RANBP17: variants seen among roughly 807,000 people sequenced by gnomAD.
RANBP17 encodes the protein ran-binding protein 17.
A neutral mutation model predicts 141.2 loss-of-function variants in RANBP17; 158 were observed. The ratio of observed to expected loss-of-function variants is 1.12; its 90% CI spans 0.98 to 1.28. The LOEUF (loss-of-function observed/expected upper bound fraction) is 1.28. Among genes scored for constraint, RANBP17 ranks in the 50% most tolerant of loss-of-function variants. RANBP17 has a pLI of 0.00. For synonymous variants in RANBP17, 430 were observed against 450.0 expected (o/e 0.96, Z 0.56); for missense variants, 1,438 against 1,290.7 (o/e 1.11, Z -1.75).
Position 170,955,582 on chromosome 5 carries a change from GTATATATA to G in RANBP17, c.1574+1900_1574+1907del, listed in dbSNP as rs869169939. On this transcript the variant is annotated intron_variant, in intron 13 of 27. Transcript: ENST00000523189. ...ATATATATATATGCTCAGTCTGTGTGTATATATATATATATATATATATATATGCTCAG... is the reference window on the plus strand; with the variant it reads ...ATATATATATATGCTCAGTCTGTGTGTATATATATATATATATATGCTCAG... Among the ~76,000 whole-genome samples, 344 of 41,378 alleles carry G rather than the reference GTATATATA, an allele frequency of 8.3e-3. 14 individuals carry two copies. The highest frequency in any genetic ancestry group is 0.032 in the African/African-American group (329 of 10,196). The allele number at this position is 41,378 out of a possible 152,430, so 27.1% of individuals were successfully genotyped here.
intron 24 of RANBP17, 136 bp downstream of exon 24, chr5:171,242,956 C>A: frequency 1.3e-6 from 1 of 795,902 alleles, no homozygotes; most frequent in Non-Finnish European, 2.0e-6. Flanking sequence ...ATAATTATTA[C>A]TTGCAAGTGG....
intron 14 of RANBP17, among the ~76,000 whole-genome samples, chr5:170,977,589 T>A (rs1777471833): frequency 2.6e-5 from 4 of 151,950 alleles, no homozygotes; most frequent in East Asian, 1.9e-4. Flanking sequence ...TGGAAAAAAA[T>A]TTGCATGTCT....
chr5:171,228,569 A>G (rs1385599357), intron 22 of RANBP17, among the ~76,000 whole-genome samples: 2 of 152,232 alleles, frequency 1.3e-5, no homozygotes, highest in Admixed American at 1.3e-4. Context: ...GATTGACTCC[A>G]ATTTTTAAAG....
chr5:171,008,858 T>A (rs1180842999), intron 14 of RANBP17, among the ~76,000 whole-genome samples: 1 of 152,236 alleles, frequency 6.6e-6, no homozygotes, highest in Non-Finnish European at 1.5e-5. Context: ...ACTGACCTTA[T>A]GTTTTCAATT....
intron 14 of RANBP17, among the ~76,000 whole-genome samples, chr5:171,073,272 G>A (rs879625016): frequency 6.6e-6 from 1 of 152,124 alleles, no homozygotes; most frequent in South Asian, 2.1e-4. Context: ...AAAGTGGTAG[G>A]GGGGAAAGGA....
Position 171,265,684 on chromosome 5 carries a change from C to A in RANBP17, c.2780C>A (p.Thr927Lys). Reference sequence around the variant, plus strand: ...TTCTTATTTACTATTTGTACAGATACAGTTGTCTCCTCCAGCTGCTGTACC... The same window carrying A: ...TTCTTATTTACTATTTGTACAGATAAAGTTGTCTCCTCCAGCTGCTGTACC... Reference protein sequence around the residue: ...SISEGLTTLDTVVSSSCCTSL... With the variant: ...SISEGLTTLDKVVSSSCCTSL... The change falls in exon 25 of 28, where the codon ACA (threonine) becomes AAA (lysine). Residue 927 changes from threonine (T) to lysine (K), a missense_variant. Physicochemically the swap from Thr to Lys is moderately conservative, Grantham distance 78. Coordinates refer to ENST00000523189, the MANE Select transcript of RANBP17 (RefSeq NM_022897.5). 1 of 1,610,848 alleles carries A rather than the reference C, an allele frequency of 6.2e-7. No individual in the cohort carries two copies. Among genetic ancestry groups the A allele is most frequent in the Non-Finnish European group, 8.5e-7 (1 of 1,179,022 alleles).
At chr5:171,209,799 C>CAG (rs1762771300) in intron 20 of RANBP17, among the ~76,000 whole-genome samples, 1 of 152,148 alleles carries the variant, frequency 6.6e-6, no homozygotes, top group Non-Finnish European at 1.5e-5. Context: ...AACAAAGGTC[C>CAG]AGATGTTTAC....
At chr5:170,986,236 C>T (rs1778132783) in intron 14 of RANBP17, among the ~76,000 whole-genome samples, 1 of 151,946 alleles carries the variant, frequency 6.6e-6, no homozygotes, top group African/African-American at 2.4e-5. Flanking sequence ...TTTGTAAAGG[C>T]CAGGAAGTGA....
chr5:171,029,454 C>T (rs1581440066), intron 14 of RANBP17, among the ~76,000 whole-genome samples: 2 of 152,036 alleles, frequency 1.3e-5, no homozygotes, highest in Admixed American at 6.6e-5. Context: ...GGCTTGGAAC[C>T]AGAAGCTGAT....
rs151211560 is a variant in RANBP17 at position 170,895,951 on chromosome 5, T to G, written c.424-99T>G. On this transcript the variant is annotated intron_variant, in intron 4 of 27. Transcript: ENST00000523189. The stretch of plus-strand genomic sequence containing the variant: ...CCATTTTATTATTGAGTAAATGTGG[T>G]GTTTCAGTCTTTAATTGTTTGTAAA... The G allele has an allele frequency of 1.0e-3, 560 of 538,846 alleles. 2 individuals carry two copies. Among genetic ancestry groups the G allele is most frequent in the African/African-American group, 0.01 (514 of 51,156 alleles). 33.4% of individuals were successfully genotyped at this position (538,846 alleles called of 1,614,324 possible).
chr5:171,031,239 CAT>C (rs1781532250), intron 14 of RANBP17, among the ~76,000 whole-genome samples: 1 of 151,912 alleles, frequency 6.6e-6, no homozygotes, highest in Non-Finnish European at 1.5e-5. Flanking sequence ...ATTTCAGAGA[CAT>C]GTGGTGTGTG....
intron 14 of RANBP17, among the ~76,000 whole-genome samples, chr5:171,063,993 A>T (rs1354507141): frequency 6.6e-6 from 1 of 152,174 alleles, no homozygotes; most frequent in Non-Finnish European, 1.5e-5. Context: ...CTCCTGGTGC[A>T]CTGTTTGTTA....
At chr5:171,091,808 C>T (rs1367060152) in intron 14 of RANBP17, among the ~76,000 whole-genome samples, 1 of 152,224 alleles carries the variant, frequency 6.6e-6, no homozygotes, top group African/African-American at 2.4e-5. Context: ...TTTCACCTTT[C>T]ACCATGATTG....
At chr5:171,085,320 A>G (rs1263269279) in intron 14 of RANBP17, among the ~76,000 whole-genome samples, 4 of 131,260 alleles carry the variant, frequency 3.0e-5, no homozygotes, top group African/African-American at 5.7e-5. Context: ...CCATTGATCT[A>G]TATCTCTGTT....
At chr5:170,937,251 T>C (rs990428157) in intron 12 of RANBP17, among the ~76,000 whole-genome samples, 2 of 152,118 alleles carry the variant, frequency 1.3e-5, no homozygotes, top group African/African-American at 4.8e-5. Context: ...GACTTAAAGG[T>C]TTTTTCCTCC....
intron 14 of RANBP17, among the ~76,000 whole-genome samples, chr5:171,054,936 A>C (rs529164152): frequency 6.6e-6 from 1 of 152,192 alleles, no homozygotes; most frequent in Admixed American, 6.6e-5. Flanking sequence ...GCACATTTAG[A>C]AAGCATCCAT....
At chr5:171,024,301 G>A (rs1781089002) in intron 14 of RANBP17, among the ~76,000 whole-genome samples, 2 of 152,136 alleles carry the variant, frequency 1.3e-5, no homozygotes, top group South Asian at 4.2e-4. Flanking sequence ...TTTGACTTTA[G>A]CCTTGTAATA....
chr5:171,083,541 C>T (rs950451705), intron 14 of RANBP17, among the ~76,000 whole-genome samples: 8 of 152,230 alleles, frequency 5.3e-5, no homozygotes, highest in African/African-American at 1.9e-4. Flanking sequence ...TTGAACAACA[C>T]AAGTTTGAAC....
intron 3 of RANBP17, among the ~76,000 whole-genome samples, chr5:170,891,508 A>C (rs992160435): frequency 2.6e-5 from 4 of 152,210 alleles, no homozygotes; most frequent in African/African-American, 9.7e-5. Flanking sequence ...TGCTATAAAG[A>C]AATATCTGAG....
Sources: allele counts gnomAD v4.1 joint callset (sites outside exome capture counted in the v4.1 genomes callset), GRCh38; gene constraint gnomAD v4.1.1; transcripts MANE v1.5; gene names NCBI Gene and HGNC (gene_info 2026-07-23, HGNC 2026-07-21).